FAM135A: variants seen among roughly 807,000 people sequenced by gnomAD.
FAM135A encodes protein FAM135A.
Under a neutral mutation model 146.8 loss-of-function variants are expected in FAM135A, and 79 were observed. That is an observed-to-expected ratio of 0.54 (90% CI 0.45 to 0.65). The LOEUF is 0.65. Ranked by LOEUF, FAM135A falls within the 30% of genes least tolerant of loss-of-function variation. The pLI is 0.00. For missense variants in FAM135A, 1,623 were observed against 1,758.2 expected (o/e 0.92, Z 1.38); for synonymous variants, 562 against 603.6 (o/e 0.93, Z 1.01).
In FAM135A at chr6:70,486,665, AC is replaced by A. The variant is rs1207206700; in HGVS notation, c.824-4368del. Among the ~76,000 whole-genome samples, 4 of 152,292 alleles carry A rather than the reference AC, an allele frequency of 2.6e-5. No individual in the cohort carries two copies. The East Asian group carries it at 7.7e-4, about 29-fold the overall frequency. On this transcript the variant is annotated intron_variant, in intron 10 of 21. Transcript: ENST00000418814. ...TAAACCAGGCCGGGTGCGGTGACTC[AC>A]GCCTGTAATCCCAGCACTTTGGGAG...
chr6:70,470,363 T>C (rs1165360373), intron 5 of FAM135A, among the ~76,000 whole-genome samples: 1 of 138,042 alleles, frequency 7.2e-6, no homozygotes, highest in Non-Finnish European at 1.5e-5. Flanking sequence ...CTATTACTTC[T>C]TTTTTTTTGG....
chr6:70,487,066 G>A (rs1182147703), intron 10 of FAM135A, among the ~76,000 whole-genome samples: 1 of 109,098 alleles, frequency 9.2e-6, no homozygotes, highest in Non-Finnish European at 1.7e-5. Flanking sequence ...CTGGGCAAGA[G>A]AGTCGGACTC....
intron 2 of FAM135A, among the ~76,000 whole-genome samples, chr6:70,426,104 C>T (rs933445695): frequency 1.6e-4 from 23 of 141,434 alleles, no homozygotes; most frequent in Admixed American, 5.0e-4. Context: ...AGCGAGACTC[C>T]GTCTCAAAAA....
At chr6:70,536,934 ATT>A (rs780326510) in intron 19 of FAM135A, among the ~76,000 whole-genome samples, 19 of 128,868 alleles carry the variant, frequency 1.5e-4, no homozygotes, top group Admixed American at 3.9e-4. Context: ...TGGTACTTTG[ATT>A]TTTTTTTTTT....
intron 5 of FAM135A, among the ~76,000 whole-genome samples, chr6:70,459,005 A>C (rs1778914021): frequency 6.6e-6 from 1 of 152,202 alleles, no homozygotes; most frequent in East Asian, 1.9e-4. Flanking sequence ...ACTGACTTTT[A>C]ATAAATAAAT....
chr6:70,433,559 T>G (rs528518582), intron 4 of FAM135A, among the ~76,000 whole-genome samples: 1 of 150,722 alleles, frequency 6.6e-6, no homozygotes, highest in African/African-American at 2.5e-5. Context: ...TTCTAATGAG[T>G]CTTTAGGTTG....
intron 11 of FAM135A, among the ~76,000 whole-genome samples, chr6:70,502,188 C>G (rs1333532400): frequency 6.6e-6 from 1 of 152,126 alleles, no homozygotes; most frequent in African/African-American, 2.4e-5. Context: ...ACAATTTTTT[C>G]TAAGGAGTCA....
chr6:70,416,517 A>G (rs1767610538), intron 2 of FAM135A, among the ~76,000 whole-genome samples: 1 of 152,220 alleles, frequency 6.6e-6, no homozygotes, highest in African/African-American at 2.4e-5. Context: ...AAAGTGCTTT[A>G]ACATTGAGTT....
intron 5 of FAM135A, 50 bp from the exon 6 acceptor site, chr6:70,475,360 T>C (rs1466991182): frequency 7.1e-7 from 1 of 1,414,922 alleles, no homozygotes; most frequent in Admixed American, 2.7e-5. Context: ...TTAATTTGCT[T>C]GTGTTATATT....
intron 5 of FAM135A, among the ~76,000 whole-genome samples, chr6:70,467,372 A>C (rs1780670822): frequency 6.6e-6 from 1 of 151,856 alleles, no homozygotes. Flanking sequence ...CCTTTCAAAA[A>C]TCTGGTAGAA....
intron 2 of FAM135A, among the ~76,000 whole-genome samples, chr6:70,425,749 A>G (rs75439095): frequency 0.023 from 3,468 of 152,350 alleles, 105 homozygotes; most frequent in East Asian, 0.079. Flanking sequence ...ACATGCACAC[A>G]CATACATATA....
chr6:70,442,918 C>G (rs969076772), intron 4 of FAM135A, among the ~76,000 whole-genome samples: 1 of 152,084 alleles, frequency 6.6e-6, no homozygotes, highest in Non-Finnish European at 1.5e-5. Flanking sequence ...TCAACCAGTC[C>G]CCTATTGGAC....
chr6:70,529,586 C>G (rs1338640239), intron 16 of FAM135A, among the ~76,000 whole-genome samples: 2 of 151,952 alleles, frequency 1.3e-5, no homozygotes, highest in Non-Finnish European at 2.9e-5. Flanking sequence ...CTGGCAAATT[C>G]TTTTTTAAAA....
intron 2 of FAM135A, among the ~76,000 whole-genome samples, chr6:70,425,800 T>G (rs1769951484): frequency 6.6e-6 from 1 of 152,314 alleles, no homozygotes; most frequent in African/African-American, 2.4e-5. Flanking sequence ...GAGTTCCACC[T>G]CTTAAAAATT....
intron 9 of FAM135A, 97 bp downstream of exon 9, chr6:70,481,124 T>C: frequency 8.6e-7 from 1 of 1,165,114 alleles, no homozygotes; most frequent in Non-Finnish European, 1.2e-6. Flanking sequence ...TTTAAATTAT[T>C]TCAGCTCAGC....
At chr6:70,420,530 G>C (rs1768584465) in intron 2 of FAM135A, among the ~76,000 whole-genome samples, 1 of 152,206 alleles carries the variant, frequency 6.6e-6, no homozygotes, top group African/African-American at 2.4e-5. Context: ...TGGGAGCGAA[G>C]ATGCCTGTAG....
chr6:70,474,956 A>G (rs1325567762), intron 5 of FAM135A, among the ~76,000 whole-genome samples: 1 of 152,162 alleles, frequency 6.6e-6, no homozygotes, highest in Non-Finnish European at 1.5e-5. Flanking sequence ...TCTTTAGCAT[A>G]AACTAGGGGC....
Position 70,559,930 on chromosome 6 carries a change from C to A in FAM135A, c.*9C>A, listed in dbSNP as rs1239665222. On this transcript the variant is annotated 3_prime_UTR_variant, in exon 22 of 22. Coordinates refer to ENST00000418814, the MANE Select transcript of FAM135A (RefSeq NM_001162529.3). ...TCAAATATTTCCAATAGTATAAAAG[C>A]ATTGTTAGCGACTGGACAATTACCT... is the stretch of plus-strand genomic sequence containing the variant. 2 of 1,597,140 alleles carry A rather than the reference C, an allele frequency of 1.3e-6. No individual in the cohort carries two copies. Among genetic ancestry groups the A allele is most frequent in the Non-Finnish European group, 1.7e-6 (2 of 1,167,156 alleles).
intron 7 of FAM135A, among the ~76,000 whole-genome samples, chr6:70,476,857 TA>T (rs1370128682): frequency 6.6e-6 from 1 of 152,078 alleles, no homozygotes; most frequent in Non-Finnish European, 1.5e-5. Flanking sequence ...CTCTATGGGG[TA>T]AAATTTTAAG....
Sources: allele counts gnomAD v4.1 joint callset (sites outside exome capture counted in the v4.1 genomes callset), GRCh38; gene constraint gnomAD v4.1.1; transcripts MANE v1.5; gene names NCBI Gene and HGNC (gene_info 2026-07-23, HGNC 2026-07-21).